The following XKR9 variants were observed in gnomAD, a reference collection of about 807,000 sequenced individuals.
The protein encoded by XKR9 is XK-related protein 9.
In XKR9, 32 loss-of-function variants were observed where a neutral mutation model predicts 32.0. The ratio of observed to expected loss-of-function variants is 1.00; its 90% CI spans 0.76 to 1.34. The LOEUF (loss-of-function observed/expected upper bound fraction) is 1.34. Ranked by LOEUF, XKR9 falls within the 40% of genes most tolerant of loss-of-function variation. The pLI, the probability that XKR9 is intolerant of heterozygous loss-of-function variation, is 0.00. For synonymous variants in XKR9, 168 were observed against 143.4 expected (o/e 1.17, Z -1.22); for missense variants, 546 against 429.7 (o/e 1.27, Z -2.39).
At chr8:70,693,243 G>A (rs1411451283) in intron 3 of XKR9, among the ~76,000 whole-genome samples, 1 of 152,140 alleles carries the variant, frequency 6.6e-6, no homozygotes, top group East Asian at 1.9e-4. Context: ...TTTTCACTTG[G>A]CTGAGGCTTT....
the XKR9 span, among the ~76,000 whole-genome samples, chr8:70,896,679 G>A: frequency 1.3e-5 from 2 of 151,422 alleles, no homozygotes; most frequent in Admixed American, 1.3e-4. Flanking sequence ...CTGGTTCTTA[G>A]ATATATTTTT....
At chr8:70,795,671 T>C in the XKR9 span, among the ~76,000 whole-genome samples, 3 of 152,090 alleles carry the variant, frequency 2.0e-5, no homozygotes, top group Non-Finnish European at 4.4e-5. Context: ...TAATAATAGT[T>C]ATTCTGACTG....
chr8:70,787,536 C>CT (rs1314728213), intron 2 of XKR9, among the ~76,000 whole-genome samples: 2 of 152,050 alleles, frequency 1.3e-5, no homozygotes, highest in Non-Finnish European at 1.5e-5. Context: ...TAGCATAGTC[C>CT]TGAGTACACA....
At chr8:70,881,653 T>C in the XKR9 span, among the ~76,000 whole-genome samples, 2 of 152,128 alleles carry the variant, frequency 1.3e-5, no homozygotes, top group African/African-American at 4.8e-5. Flanking sequence ...AGGAACACTT[T>C]TACACTGTTG....
the XKR9 span, among the ~76,000 whole-genome samples, chr8:70,894,416 C>T: frequency 6.6e-6 from 1 of 152,072 alleles, no homozygotes; most frequent in Non-Finnish European, 1.5e-5. Context: ...AGTTCTTACG[C>T]CTGTAGGGTG....
the XKR9 span, among the ~76,000 whole-genome samples, chr8:70,964,499 G>A: frequency 6.6e-6 from 1 of 152,174 alleles, no homozygotes; most frequent in East Asian, 1.9e-4. Flanking sequence ...CTAATTCTGT[G>A]AAGAATATCA....
chr8:70,916,646 A>G, the XKR9 span, among the ~76,000 whole-genome samples: 8 of 152,172 alleles, frequency 5.3e-5, no homozygotes, highest in African/African-American at 1.9e-4. Context: ...TGGCACTTCT[A>G]TAAAAATTTT....
At chr8:70,996,430 T>C in the XKR9 span, among the ~76,000 whole-genome samples, 48,466 of 149,716 alleles carry the variant, frequency 0.32, 9,044 homozygotes, top group Non-Finnish European at 0.43. Context: ...TAGCTGTTAC[T>C]CAGATACTCT....
the XKR9 span, among the ~76,000 whole-genome samples, chr8:71,016,898 G>A: frequency 2.4e-4 from 36 of 151,910 alleles, no homozygotes; most frequent in African/African-American, 7.7e-4. Context: ...AAATATGGAT[G>A]TAGATATAAT....
chr8:70,778,966 C>A (rs975845355), intron 2 of XKR9, among the ~76,000 whole-genome samples: 2 of 152,118 alleles, frequency 1.3e-5, no homozygotes, highest in Non-Finnish European at 2.9e-5. Context: ...ACTGCCCTGG[C>A]CAGAACTTCC....
intron 4 of XKR9, among the ~76,000 whole-genome samples, chr8:70,724,836 G>C (rs1806408636): frequency 6.6e-6 from 1 of 152,082 alleles, no homozygotes; most frequent in Admixed American, 6.6e-5. Flanking sequence ...CTTAGTCTGG[G>C]TTTTCTTTTT....
intron 3 of XKR9, among the ~76,000 whole-genome samples, chr8:70,684,721 G>A (rs1463825201): frequency 6.8e-6 from 1 of 146,864 alleles, no homozygotes; most frequent in African/African-American, 2.5e-5. Flanking sequence ...AGACATTTAT[G>A]CAGCCAAAAA....
intron 2 of XKR9, among the ~76,000 whole-genome samples, chr8:70,765,658 T>G (rs1428250519): frequency 6.6e-6 from 1 of 152,240 alleles, no homozygotes. Context: ...GCTTTTGATG[T>G]TTTAGTCATG....
chr8:70,777,198 C>A (rs1055727715), intron 2 of XKR9, among the ~76,000 whole-genome samples: 2 of 151,530 alleles, frequency 1.3e-5, no homozygotes, highest in Non-Finnish European at 2.9e-5. Context: ...TGAGTGAAAA[C>A]ATGTGGTGTT....
intron 3 of XKR9, among the ~76,000 whole-genome samples, chr8:70,789,647 T>G (rs1232830508): frequency 6.6e-6 from 1 of 152,086 alleles, no homozygotes; most frequent in African/African-American, 2.4e-5. Context: ...ATATTGGCCA[T>G]TATATAGAAA....
intron 2 of XKR9, among the ~76,000 whole-genome samples, chr8:70,778,412 A>G (rs984864441): frequency 2.0e-5 from 3 of 151,934 alleles, no homozygotes; most frequent in African/African-American, 4.8e-5. Flanking sequence ...TTTGCTTAGG[A>G]TTGTCTTGTC....
intron 2 of XKR9, among the ~76,000 whole-genome samples, chr8:70,752,041 T>C (rs147892421): frequency 6.6e-6 from 1 of 152,230 alleles, no homozygotes; most frequent in Non-Finnish European, 1.5e-5. Context: ...AGCAAATCTA[T>C]GTATTCATCC....
intron 2 of XKR9, among the ~76,000 whole-genome samples, chr8:70,758,844 A>G (rs1443842895): frequency 2.0e-5 from 3 of 152,188 alleles, no homozygotes; most frequent in Admixed American, 1.3e-4. Context: ...AGTAACAGCA[A>G]AGCTCTCCTT....
At chr8:71,043,339 G>A in the XKR9 span, among the ~76,000 whole-genome samples, 3 of 152,174 alleles carry the variant, frequency 2.0e-5, no homozygotes, top group Non-Finnish European at 4.4e-5. Context: ...AGGCAGAATA[G>A]GCATGCTTGA....
Sources: gnomAD v4.1 joint callset for allele counts (sites outside exome capture counted in the v4.1 genomes callset) on GRCh38, gnomAD v4.1.1 for gene constraint, MANE v1.5 for transcripts, NCBI Gene and HGNC (gene_info 2026-07-23, HGNC 2026-07-21) for gene names.